The following PTK2B variants were observed in gnomAD, a reference collection of about 807,000 sequenced individuals.
The protein encoded by PTK2B is protein tyrosine kinase 2 beta.
PTK2B carries 71 observed loss-of-function variants against 142.9 expected under a neutral mutation model. The observed-to-expected ratio is 0.50, with a 90% CI of 0.41 to 0.61. PTK2B has a LOEUF of 0.61. Ranked by LOEUF, PTK2B falls within the 20% of genes least tolerant of loss-of-function variation. The pLI is 0.00. For missense variants in PTK2B, 1,105 were observed against 1,320.4 expected (o/e 0.84, Z 2.53); for synonymous variants, 519 against 503.4 (o/e 1.03, Z -0.42).
chr8:27,311,060 A>G (rs769898660), upstream of PTK2B: 6 of 1,597,796 alleles, frequency 3.8e-6, no homozygotes, highest in Admixed American at 1.8e-5. Flanking sequence ...GTCTTTGCAC[A>G]CTGGGCAGGT....
chr8:27,443,381 G>A (rs1325604144), intron 22 of PTK2B, among the ~76,000 whole-genome samples: 1 of 152,208 alleles, frequency 6.6e-6, no homozygotes, highest in Non-Finnish European at 1.5e-5. Flanking sequence ...CTGCCATTAG[G>A]TGGGTGGGTC....
chr8:27,405,672 C>T (rs990814638), intron 2 of PTK2B, among the ~76,000 whole-genome samples: 2 of 152,332 alleles, frequency 1.3e-5, no homozygotes, highest in East Asian at 1.9e-4. Context: ...AAGGTAGACA[C>T]GCAGGTTCCG....
intron 2 of PTK2B, among the ~76,000 whole-genome samples, chr8:27,414,479 C>T (rs1809262376): frequency 6.6e-6 from 1 of 152,136 alleles, no homozygotes; most frequent in African/African-American, 2.4e-5. Flanking sequence ...ATCTTCTGAC[C>T]TCGTGATCCG....
chr8:27,340,388 G>A (rs925260522), intron 1 of PTK2B, among the ~76,000 whole-genome samples: 1 of 152,222 alleles, frequency 6.6e-6, no homozygotes, highest in African/African-American at 2.4e-5. Context: ...TGAGAGCACA[G>A]CATATGCAAA....
chr8:27,446,674 A>C (rs1324286050), intron 24 of PTK2B, among the ~76,000 whole-genome samples: 3 of 152,188 alleles, frequency 2.0e-5, no homozygotes, highest in African/African-American at 2.4e-5. Flanking sequence ...TAAAACACTT[A>C]TTTTAGCTCT....
At chr8:27,325,876 G>A (rs959485477) in intron 1 of PTK2B, among the ~76,000 whole-genome samples, 195 bp downstream of exon 1, 1 of 152,234 alleles carries the variant, frequency 6.6e-6, no homozygotes, top group African/African-American at 2.4e-5. Context: ...CTTCCGCGGG[G>A]AAGAGGGGTT....
At chr8:27,314,353 G>C (rs1262143418) in intron 3 of PTK2B, among the ~76,000 whole-genome samples, 1 of 152,224 alleles carries the variant, frequency 6.6e-6, no homozygotes, top group Non-Finnish European at 1.5e-5. Context: ...ACTTTGGGAG[G>C]TCGAAGAAGG....
chr8:27,396,912 ATCC>A (rs749748632), intron 1 of PTK2B, among the ~76,000 whole-genome samples: 3 of 152,038 alleles, frequency 2.0e-5, no homozygotes, highest in Non-Finnish European at 4.4e-5. Context: ...TTCCTCTTGA[ATCC>A]TCCTGCATGT....
At chr8:27,421,469 A>G (rs1203391676) in intron 4 of PTK2B, among the ~76,000 whole-genome samples, 1 of 151,810 alleles carries the variant, frequency 6.6e-6, no homozygotes, top group African/African-American at 2.4e-5. Context: ...ACCCCTTCCC[A>G]CTCTTTCCCC....
At chr8:27,435,100 G>C (rs145866056) in intron 13 of PTK2B, among the ~76,000 whole-genome samples, 1 of 152,210 alleles carries the variant, frequency 6.6e-6, no homozygotes, top group Admixed American at 6.5e-5. Flanking sequence ...TAGACTGGGT[G>C]GCTTAAAACC....
intron 1 of PTK2B, among the ~76,000 whole-genome samples, chr8:27,356,565 A>G (rs1458325389): frequency 1.3e-5 from 2 of 152,250 alleles, no homozygotes; most frequent in South Asian, 2.1e-4. Context: ...GGAATGCAGT[A>G]TAGATCCTCA....
At chr8:27,324,332 T>TGG (rs920785822), upstream of PTK2B, among the ~76,000 whole-genome samples, 37 of 151,870 alleles carry the variant, frequency 2.4e-4, no homozygotes, top group African/African-American at 7.7e-4. Flanking sequence ...TGGGAAGGGG[T>TGG]GGGGGGGCTC....
At chr8:27,311,872 G>T (rs1052872993) in intron 1 of PTK2B, among the ~76,000 whole-genome samples, 3 of 152,160 alleles carry the variant, frequency 2.0e-5, no homozygotes, top group Admixed American at 2.0e-4. Context: ...CCTGATTCTT[G>T]TCCTGTGGTT....
chr8:27,370,398 A>G (rs1024198482), intron 1 of PTK2B, among the ~76,000 whole-genome samples: 1 of 152,166 alleles, frequency 6.6e-6, no homozygotes, highest in East Asian at 1.9e-4. Context: ...ATTCAAGACC[A>G]CGTTATTAGC....
chr8:27,314,377 A>G (rs192482459), intron 3 of PTK2B, among the ~76,000 whole-genome samples: 23 of 152,304 alleles, frequency 1.5e-4, no homozygotes, highest in Non-Finnish European at 2.6e-4. Flanking sequence ...TGAGCTCACA[A>G]GTTCAAAACC....
intron 1 of PTK2B, among the ~76,000 whole-genome samples, chr8:27,340,171 G>T (rs776238030): frequency 6.6e-6 from 1 of 152,202 alleles, no homozygotes; most frequent in Non-Finnish European, 1.5e-5. Context: ...GTGAACAAGG[G>T]GTACTATTCT....
chr8:27,315,242 A>G (rs534969036), intron 3 of PTK2B, among the ~76,000 whole-genome samples: 105 of 152,206 alleles, frequency 6.9e-4, no homozygotes, highest in African/African-American at 2.4e-3. Context: ...TCCTGGGCCC[A>G]CTTTAATCTA....
intron 3 of PTK2B, among the ~76,000 whole-genome samples, chr8:27,318,035 T>C (rs537264727): frequency 6.6e-6 from 1 of 152,308 alleles, no homozygotes; most frequent in African/African-American, 2.4e-5. Context: ...GTAATATAAA[T>C]CATACCTCAT....
intron 1 of PTK2B, among the ~76,000 whole-genome samples, chr8:27,371,545 T>TTTTA (rs1554489568): frequency 7.5e-5 from 11 of 147,464 alleles, no homozygotes; most frequent in African/African-American, 1.7e-4. Context: ...TTTTTATTAT[T>TTTTA]TATATATATA....
Sources: allele counts gnomAD v4.1 joint callset (sites outside exome capture counted in the v4.1 genomes callset), GRCh38; gene constraint gnomAD v4.1.1; transcripts MANE v1.5; gene names NCBI Gene and HGNC (gene_info 2026-07-23, HGNC 2026-07-21).